The following SV2C variants were observed in gnomAD, a reference collection of about 807,000 sequenced individuals.
The protein encoded by SV2C is solute carrier family 22 member B3.
Under a neutral mutation model 79.7 loss-of-function variants are expected in SV2C, and 49 were observed. The observed-to-expected ratio is 0.61, with a 90% CI of 0.49 to 0.78. The LOEUF is 0.78. Among genes scored for constraint, SV2C ranks in the 30% least tolerant of loss-of-function variants. The pLI, the probability that SV2C is intolerant of heterozygous loss-of-function variation, is 0.00. For synonymous variants in SV2C, 334 were observed against 333.2 expected (o/e 1.00, Z -0.03); for missense variants, 833 against 912.9 (o/e 0.91, Z 1.13).
At chr5:75,965,961 A>C in the SV2C span, among the ~76,000 whole-genome samples, 1 of 152,226 alleles carries the variant, frequency 6.6e-6, no homozygotes, top group East Asian at 1.9e-4. Context: ...GCTTTGGAGC[A>C]GTAAGAGAAG....
In SV2C at chr5:76,285,282, G is replaced by A. The variant is rs775165202; in HGVS notation, c.1034G>A (p.Arg345Gln). Residue 345 changes from arginine (R) to glutamine (Q), a missense_variant, in exon 5 of 13, where the codon CGA (arginine) becomes CAA (glutamine). Physicochemically the swap from Arg to Gln is conservative, Grantham distance 43. Coordinates refer to ENST00000502798, the MANE Select transcript of SV2C (RefSeq NM_014979.4). ...VALTFMPESP[R>Q]FLLEVGKHDE... ...CTCACATTCATGCCTGAAAGCCCAC[G>A]ATTCTTGTTGGAGGTAACACTTATT... 10 of 1,613,988 alleles carry A rather than the reference G, an allele frequency of 6.2e-6. No individual in the cohort carries two copies. Among genetic ancestry groups the A allele is most frequent in the Admixed American group, 3.3e-5 (2 of 60,002 alleles).
chr5:75,962,685 A>T, the SV2C span, among the ~76,000 whole-genome samples: 1 of 152,104 alleles, frequency 6.6e-6, no homozygotes, highest in East Asian at 1.9e-4. Flanking sequence ...TATCACTAGC[A>T]TGGGGCACAT....
chr5:76,264,337 C>T (rs531185834), intron 4 of SV2C, among the ~76,000 whole-genome samples: 1 of 151,894 alleles, frequency 6.6e-6, no homozygotes, highest in Non-Finnish European at 1.5e-5. Flanking sequence ...TTCCTGTAAC[C>T]TTTTTTCAAA....
the SV2C span, among the ~76,000 whole-genome samples, chr5:75,915,766 A>G: frequency 7.4e-4 from 112 of 152,314 alleles, no homozygotes; most frequent in Middle Eastern, 0.01. Flanking sequence ...GCAGACAAGA[A>G]GCTCCAGGAA....
chr5:76,226,593 T>C (rs1561272707), intron 4 of SV2C, among the ~76,000 whole-genome samples: 1 of 152,360 alleles, frequency 6.6e-6, no homozygotes, highest in East Asian at 1.9e-4. Flanking sequence ...GGTAAGTACA[T>C]GTTTAGCTTG....
chr5:75,903,544 C>T, the SV2C span, among the ~76,000 whole-genome samples: 2 of 152,146 alleles, frequency 1.3e-5, no homozygotes, highest in Non-Finnish European at 2.9e-5. Context: ...CTGCAGTACT[C>T]TCAGCATCCT....
At chr5:76,001,193 T>C in the SV2C span, among the ~76,000 whole-genome samples, 2 of 152,090 alleles carry the variant, frequency 1.3e-5, no homozygotes, top group African/African-American at 2.4e-5. Context: ...GGCCCAGAAT[T>C]TCAAGAGTGC....
At chr5:76,049,011 GAAAGAAAGAAAGAAAA>G in the SV2C span, among the ~76,000 whole-genome samples, 1 of 89,258 alleles carries the variant, frequency 1.1e-5, no homozygotes, top group Non-Finnish European at 2.2e-5. Context: ...AAGAAAGAAA[GAAAGAAAGAAAGAAAA>G]AGAAAAGAGG....
At chr5:75,975,426 T>C in the SV2C span, among the ~76,000 whole-genome samples, 1 of 152,226 alleles carries the variant, frequency 6.6e-6, no homozygotes, top group African/African-American at 2.4e-5. Context: ...TCCATGTCTA[T>C]AGACATATTT....
At chr5:76,015,309 C>T in the SV2C span, among the ~76,000 whole-genome samples, 1 of 117,082 alleles carries the variant, frequency 8.5e-6, no homozygotes, top group Non-Finnish European at 2.2e-5. Context: ...GTAGCATGAA[C>T]AAAAAATAAA....
At chr5:76,112,152 G>C (rs772165300) in intron 1 of SV2C, among the ~76,000 whole-genome samples, 2 of 152,220 alleles carry the variant, frequency 1.3e-5, no homozygotes, top group Non-Finnish European at 2.9e-5. Flanking sequence ...TGAAGTTTAT[G>C]ATTGGCAAGG....
chr5:76,174,199 A>G (rs1234514338), intron 2 of SV2C: 1 of 1,611,620 alleles, frequency 6.2e-7, no homozygotes, highest in Non-Finnish European at 8.5e-7. Flanking sequence ...AAGCTTGTCA[A>G]AACCTAGTAC....
chr5:76,204,542 A>G lies in SV2C; in HGVS notation c.762-5194A>G, dbSNP rs562887274. 7.2e-5 allele frequency among the ~76,000 whole-genome samples: 11 copies of G among 152,302 alleles called. No homozygotes were observed. The East Asian group carries it at 1.9e-3, about 27-fold the overall frequency. On this transcript the variant is annotated intron_variant, in intron 3 of 12. Coordinates refer to ENST00000502798, the MANE Select transcript of SV2C (RefSeq NM_014979.4). ...AGATTGAGGTAAAGGGCTGCTTGAC[A>G]ATTATATGGTGAAATAAGTTAGAAT...
chr5:76,279,575 C>A (rs1162751785), intron 4 of SV2C, among the ~76,000 whole-genome samples: 1 of 152,214 alleles, frequency 6.6e-6, no homozygotes, highest in Non-Finnish European at 1.5e-5. Context: ...GATTAGAGTG[C>A]AACCATTAAA....
At chr5:76,291,668 C>A in intron 7 of SV2C, 100 bp from the exon 8 acceptor site, 2 of 786,174 alleles carry the variant, frequency 2.5e-6, no homozygotes, top group Non-Finnish European at 4.1e-6. Flanking sequence ...GAATCCAACC[C>A]AATGACAACT....
At chr5:75,939,719 T>C in the SV2C span, among the ~76,000 whole-genome samples, 89,963 of 151,920 alleles carry the variant, frequency 0.59, 27,974 homozygotes, top group African/African-American at 0.79. Context: ...AAGCATCACA[T>C]GACTTGAAAT....
chr5:75,863,051 C>T, the SV2C span, among the ~76,000 whole-genome samples: 1 of 152,096 alleles, frequency 6.6e-6, no homozygotes, highest in Non-Finnish European at 1.5e-5. Context: ...GGACCAACAC[C>T]TTTCTCAAAT....
At chr5:76,017,074 A>G in the SV2C span, among the ~76,000 whole-genome samples, 1 of 152,210 alleles carries the variant, frequency 6.6e-6, no homozygotes, top group Non-Finnish European at 1.5e-5. Context: ...TTTCATCATG[A>G]AAAGATAAAC....
chr5:76,147,888 C>T (rs11749462), intron 2 of SV2C, among the ~76,000 whole-genome samples: 51,142 of 151,842 alleles, frequency 0.34, 10,189 homozygotes, highest in Non-Finnish European at 0.46. Flanking sequence ...ATAATTTAAA[C>T]GCTTCCTGAT....
Sources: allele counts gnomAD v4.1 joint callset (sites outside exome capture counted in the v4.1 genomes callset), GRCh38; gene constraint gnomAD v4.1.1; transcripts MANE v1.5; gene names NCBI Gene and HGNC (gene_info 2026-07-23, HGNC 2026-07-21).